The following CFAP44 variants were observed in gnomAD, a reference collection of about 807,000 sequenced individuals.
CFAP44 encodes the protein cilia- and flagella-associated protein 44.
In CFAP44, 134 loss-of-function variants were observed where a neutral mutation model predicts 216.2. That is an observed-to-expected ratio of 0.62 (90% CI 0.54 to 0.72). The LOEUF is 0.72. Among genes scored for constraint, CFAP44 ranks in the 30% least tolerant of loss-of-function variants. CFAP44 has a pLI of 0.00. For missense variants in CFAP44, 2,035 were observed against 2,182.1 expected (o/e 0.93, Z 1.34); for synonymous variants, 700 against 727.6 (o/e 0.96, Z 0.61).
intron 34 of CFAP44, among the ~76,000 whole-genome samples, chr3:113,292,380 C>A (rs868072068): frequency 6.6e-6 from 1 of 152,188 alleles, no homozygotes; most frequent in Non-Finnish European, 1.5e-5. Context: ...ATCTTTCCTG[C>A]GAGATCCTGT....
rs1343948442 is a variant in CFAP44, at chr3:113,379,414, CTCT to C, written c.2187_2189del (p.Glu737del). The C allele has an allele frequency of 2.5e-6, 4 of 1,610,880 alleles. No homozygotes were observed. Among genetic ancestry groups the C allele is most frequent in the Non-Finnish European group, 2.5e-6 (3 of 1,177,440 alleles). Reference sequence around the variant, plus strand: ...ATGGCTCTTCTTCCTCCTCCTCCTCCTCTTTCTCCTCTTCCTCCTCCTGAAATT... The same window carrying C: ...ATGGCTCTTCTTCCTCCTCCTCCTCCTTCTCCTCTTCCTCCTCCTGAAATT... On this transcript the variant is annotated inframe_deletion, in exon 17 of 35. Transcript: ENST00000393845.
intron 21 of CFAP44, among the ~76,000 whole-genome samples, chr3:113,359,791 C>G (rs1445208442): frequency 6.6e-6 from 1 of 151,870 alleles, no homozygotes; most frequent in African/African-American, 2.4e-5. Context: ...AAAAAGCTAA[C>G]CACTAGCAGG....
chr3:113,413,598 T>C (rs373491404), intron 6 of CFAP44, among the ~76,000 whole-genome samples: 48 of 152,336 alleles, frequency 3.2e-4, no homozygotes, highest in African/African-American at 1.1e-3. Flanking sequence ...GACTAGCCAC[T>C]TTTCCCAGCA....
chr3:113,401,328 T>C (rs1934135529), intron 10 of CFAP44, 41 bp from the exon 11 acceptor site: 1 of 1,522,532 alleles, frequency 6.6e-7, no homozygotes, highest in South Asian at 1.3e-5. Context: ...CATTTTAAAC[T>C]TTCATCAGAT....
chr3:113,303,616 G>T (rs148496465), intron 32 of CFAP44, among the ~76,000 whole-genome samples: 1 of 152,120 alleles, frequency 6.6e-6, no homozygotes, highest in East Asian at 1.9e-4. Context: ...GTATCTCAAC[G>T]TTTTCTTTCT....
Position 113,316,237 on chromosome 3 carries a change from T to G in CFAP44, c.4517-7969A>C, listed in dbSNP as rs542717277. 1.6e-4 allele frequency among the ~76,000 whole-genome samples: 25 copies of G among 152,304 alleles called. No individual in the cohort carries two copies. In the South Asian group the frequency reaches 1.7e-3, roughly 10 times the overall value. On this transcript the variant is annotated intron_variant, in intron 28 of 34. Coordinates refer to ENST00000393845, the MANE Select transcript of CFAP44 (RefSeq NM_001164496.2). ...AGGTCTCAATAAAAATTTTAAAAAC[T>G]ACATTGACCAGAGTGAAAATTAAAA...
Position 113,410,008 on chromosome 3 carries a change from C to A in CFAP44, c.674-686G>T, listed in dbSNP as rs1029234747. Among the ~76,000 whole-genome samples the A allele has an allele frequency of 2.6e-5, 4 of 152,110 alleles. No individual in the cohort carries two copies. The South Asian group carries it at 8.3e-4, about 32-fold the overall frequency. On this transcript the variant is annotated intron_variant, in intron 6 of 34. Coordinates refer to ENST00000393845, the MANE Select transcript of CFAP44 (RefSeq NM_001164496.2). ...AGGAATTGCCCACCCGTTTCCTGTC[C>A]GGAAACCTCATGAATAATCGACTCC...
chr3:113,340,568 G>C (rs1235852290), intron 24 of CFAP44, among the ~76,000 whole-genome samples: 1 of 152,178 alleles, frequency 6.6e-6, no homozygotes, highest in African/African-American at 2.4e-5. Flanking sequence ...GTGTGCGATG[G>C]GGGTGTGGCT....
intron 2 of CFAP44, among the ~76,000 whole-genome samples, chr3:113,428,328 C>A (rs997147323): frequency 6.6e-6 from 1 of 152,078 alleles, no homozygotes; most frequent in African/African-American, 2.4e-5. Context: ...TAATGAATTG[C>A]GAGTGAATAC....
At position 113,366,195 on chromosome 3, in the gene CFAP44, C is replaced by T. The variant is rs761708225; in HGVS notation, c.2559G>A (p.Met853Ile). The T allele has an allele frequency of 1.1e-5, 18 of 1,614,000 alleles. No individual in the cohort carries two copies. The highest frequency in any genetic ancestry group is 3.3e-4 in the Middle Eastern group (2 of 6,060). The change falls in exon 19 of 35, where the codon ATG becomes ATA. Residue 853 changes from methionine (M) to isoleucine (I), a missense_variant. Physicochemically the swap from Met to Ile is conservative, Grantham distance 10 (BLOSUM62 1). Transcript: ENST00000393845. Reference protein sequence around the residue: ...TSLVDYWHFNMHDNNYGCIKS... With the variant: ...TSLVDYWHFNIHDNNYGCIKS... ...TAATACATCCATAATTATTGTCATG[C>T]ATATTGAAGTGCCAGTAGTCCACCA... is the stretch of plus-strand genomic sequence containing the variant.
chr3:113,384,071 T>C (rs1456050096), intron 15 of CFAP44, among the ~76,000 whole-genome samples: 1 of 151,236 alleles, frequency 6.6e-6, no homozygotes. Context: ...TTTTTTTTTT[T>C]CTTCTGAGAC....
Position 113,326,591 on chromosome 3 carries a change from A to T in CFAP44, c.4370T>A (p.Ile1457Asn). 6.5e-7 allele frequency: 1 copy of T among 1,527,530 alleles called. No homozygotes were observed. 94.6% of individuals were successfully genotyped at this position (1,527,530 alleles called of 1,614,324 possible). A position where few individuals can be genotyped will look rare whatever the true frequency, so the allele number is the denominator to read the frequency against. The change falls in exon 28 of 35, where the codon ATC becomes AAC. Residue 1457 changes from isoleucine to asparagine, a missense_variant. By Grantham distance (149) the Ile-to-Asn change is moderately radical (BLOSUM62 -3). This residue lies in a region of CFAP44 where 1,883 missense variants were observed against 2,023.7 expected (regional missense o/e 0.93). Coordinates refer to ENST00000393845, the MANE Select transcript of CFAP44 (RefSeq NM_001164496.2). ...CTTTTCTTGCTCCTGGAGTTTGGTG[A>T]TTTCATTCTTTTTCTCTTCCATCTC... ...LKEMEEKKNE[I>N]TKLQEQEKAL...
chr3:113,385,935 C>T (rs1302434810), intron 15 of CFAP44, among the ~76,000 whole-genome samples: 5 of 151,916 alleles, frequency 3.3e-5, no homozygotes, highest in African/African-American at 9.7e-5. Flanking sequence ...TGAGGCACTG[C>T]GCCCTGCCTC....
chr3:113,347,764 C>T (rs1950400376), intron 22 of CFAP44, among the ~76,000 whole-genome samples: 1 of 152,172 alleles, frequency 6.6e-6, no homozygotes, highest in Non-Finnish European at 1.5e-5. Context: ...TCTTCCAACC[C>T]CAGAGATCCC....
At position 113,294,679 on chromosome 3, in the gene CFAP44, G is replaced by T; in HGVS notation, c.5373+8C>A. ...TTCCGAAAAAGGGTCTGAAGGTAAAGAACATACCTGCTGATTCTGTAGTGT... is the reference window on the plus strand; with the variant it reads ...TTCCGAAAAAGGGTCTGAAGGTAAATAACATACCTGCTGATTCTGTAGTGT... On this transcript the variant is annotated splice_region_variant and intron_variant, in intron 34 of 34. Coordinates refer to ENST00000393845, the MANE Select transcript of CFAP44 (RefSeq NM_001164496.2). 6.6e-7 allele frequency: 1 copy of T among 1,521,724 alleles called. No individual in the cohort carries two copies. The highest frequency in any genetic ancestry group is 8.8e-7 in the Non-Finnish European group (1 of 1,142,140). 94.3% of individuals were successfully genotyped at this position (1,521,724 alleles called of 1,614,324 possible). A position where few individuals can be genotyped will look rare whatever the true frequency, so the allele number is the denominator to read the frequency against.
chr3:113,366,882 T>C (rs1320697278), intron 18 of CFAP44, among the ~76,000 whole-genome samples: 2 of 152,224 alleles, frequency 1.3e-5, no homozygotes, highest in East Asian at 3.8e-4. Flanking sequence ...TCAAAAGTCT[T>C]AGCAACTGGC....
Position 113,366,204 on chromosome 3 carries a change from G to C in CFAP44, c.2550C>G (p.His850Gln). 2 of 1,613,990 alleles carry C rather than the reference G, an allele frequency of 1.2e-6. No individual in the cohort carries two copies. Among genetic ancestry groups the C allele is most frequent in the South Asian group, 1.1e-5 (1 of 91,070 alleles). The change falls in exon 19 of 35, where the codon CAC (histidine) becomes CAG (glutamine). Residue 850 changes from histidine (H) to glutamine (Q), a missense_variant. His to Gln is a conservative substitution (Grantham distance 24, BLOSUM62 0). Coordinates refer to ENST00000393845, the MANE Select transcript of CFAP44 (RefSeq NM_001164496.2). ...CATAATTATTGTCATGCATATTGAA[G>C]TGCCAGTAGTCCACCAAACTGGTCA... is the stretch of plus-strand genomic sequence containing the variant. ...PSLTSLVDYW[H>Q]FNMHDNNYGC...
rs892729248 is a variant in CFAP44 at position 113,358,883 on chromosome 3, TAAG to T, written c.2935-11_2935-9del. 4 of 1,535,274 alleles carry T rather than the reference TAAG, an allele frequency of 2.6e-6. No individual in the cohort carries two copies. Among genetic ancestry groups the T allele is most frequent in the Admixed American group, 2.0e-5 (1 of 50,762 alleles). ...GGAATCTACATCAAAATCCTGCAGA[TAAG>T]AAGATCTGTTCATCAAAATGGGTAC... On this transcript the variant is annotated splice_polypyrimidine_tract_variant and intron_variant, in intron 21 of 34. Coordinates refer to ENST00000393845, the MANE Select transcript of CFAP44 (RefSeq NM_001164496.2).
chr3:113,365,058 G>A (rs1057485711), intron 19 of CFAP44, among the ~76,000 whole-genome samples: 1 of 152,096 alleles, frequency 6.6e-6, no homozygotes, highest in African/African-American at 2.4e-5. Flanking sequence ...TCTGTAGGAG[G>A]GATATTGACT....
Sources: gnomAD v4.1 joint callset for allele counts (sites outside exome capture counted in the v4.1 genomes callset) on GRCh38, gnomAD v4.1.1 for gene constraint, gnomAD v4.1.1 regional missense constraint, MANE v1.5 for transcripts, NCBI Gene and HGNC (gene_info 2026-07-23, HGNC 2026-07-21) for gene names.